The following CABIN1 variants were observed in gnomAD, a reference collection of about 807,000 sequenced individuals.
The protein encoded by CABIN1 is calcineurin-binding protein cabin-1.
Under a neutral mutation model 227.7 loss-of-function variants are expected in CABIN1, and 133 were observed. That is an observed-to-expected ratio of 0.58 (90% CI 0.51 to 0.67). CABIN1 has a LOEUF of 0.67. CABIN1 is among the 30% of genes least tolerant of loss of function. CABIN1 has a pLI of 0.00. For synonymous variants in CABIN1, 1,086 were observed against 1,155.1 expected, an observed-to-expected ratio of 0.94 and a Z score of 1.21; for missense variants, 2,408 against 2,852.5, an observed-to-expected ratio of 0.84 and a Z score of 3.55.
At chr22:24,078,755 A>G (rs5760201) in intron 19 of CABIN1, among the ~76,000 whole-genome samples, 12,113 of 152,142 alleles carry the variant, frequency 0.08, 536 homozygotes, top group South Asian at 0.11. Flanking sequence ...TGTGTTGACA[A>G]TCTGCTGTAT....
At position 24,134,370 on chromosome 22, in the gene CABIN1, G is replaced by C. The variant is rs758537082; in HGVS notation, c.4701G>C (p.Pro1567=). The C allele has an allele frequency of 1.1e-5, 17 of 1,614,012 alleles. No homozygotes were observed. The highest frequency in any genetic ancestry group is 1.4e-5 in the Non-Finnish European group (17 of 1,179,990). ...SIPWQQLQHM[P]AQGLFCERNK... ...CGTGGCAACAACTGCAGCACATGCC[G>C]GCACAGGGGCTCTTCTGCGAGAGGA... Residue 1567 remains proline, a synonymous_variant, in exon 29 of 37, where the codon CCG becomes CCC. Coordinates refer to ENST00000263119, the MANE Select transcript of CABIN1 (RefSeq NM_012295.4).
intron 9 of CABIN1, 118 bp downstream of exon 9, chr22:24,055,277 C>T (rs2038698469): frequency 8.2e-7 from 1 of 1,221,772 alleles, no homozygotes; most frequent in Non-Finnish European, 1.1e-6. Flanking sequence ...ATGCTCATGA[C>T]TCAAGTGGAA....
rs1384577517 is a variant in CABIN1, at chr22:24,067,011, G to A, written c.2062G>A (p.Glu688Lys). The A allele has an allele frequency of 1.2e-6, 2 of 1,614,112 alleles. No homozygotes were observed. Among genetic ancestry groups the A allele is most frequent in the African/African-American group, 2.7e-5 (2 of 74,934 alleles). ...GATTGATAAGAACCTGAAGTCGCTGGAGCGGTGCCAGTCCCTGGAGGAGAT... is the reference window on the plus strand; with the variant it reads ...GATTGATAAGAACCTGAAGTCGCTGAAGCGGTGCCAGTCCCTGGAGGAGAT... ...EEIDKNLKSL[E>K]RCQSLEEIQR... Residue 688 changes from glutamate to lysine, a missense_variant, in exon 16 of 37, where the codon GAG becomes AAG. Transcript: ENST00000263119.
intron 28 of CABIN1, among the ~76,000 whole-genome samples, chr22:24,128,420 A>G (rs987040749): frequency 1.3e-5 from 2 of 152,192 alleles, no homozygotes; most frequent in Non-Finnish European, 2.9e-5. Context: ...CTTTAAGTCT[A>G]CCAGGTCTAG....
chr22:24,038,507 T>C, intron 4 of CABIN1, 46 bp downstream of exon 4: 1 of 1,354,552 alleles, frequency 7.4e-7, no homozygotes, highest in Non-Finnish European at 1.1e-6. Context: ...GGTTAGTGCA[T>C]GGGCTGTGGG....
chr22:24,123,120 C>T (rs913803656), intron 28 of CABIN1, among the ~76,000 whole-genome samples: 1 of 152,148 alleles, frequency 6.6e-6, no homozygotes, highest in Non-Finnish European at 1.5e-5. Context: ...CCAGGGTAGG[C>T]GGGCCAGTTG....
chr22:24,052,271 C>T (rs1036586344), intron 8 of CABIN1, among the ~76,000 whole-genome samples: 3 of 152,044 alleles, frequency 2.0e-5, no homozygotes, highest in Non-Finnish European at 4.4e-5. Flanking sequence ...GAGTTAGGCT[C>T]AGTAGTTAAA....
chr22:24,079,331 T>G (rs2040655482), intron 19 of CABIN1, among the ~76,000 whole-genome samples: 2 of 152,236 alleles, frequency 1.3e-5, no homozygotes, highest in Non-Finnish European at 2.9e-5. Flanking sequence ...TTTATCCATT[T>G]TGGGAGTTAC....
intron 29 of CABIN1, among the ~76,000 whole-genome samples, chr22:24,158,699 C>A (rs1425085273): frequency 6.6e-6 from 1 of 152,026 alleles, no homozygotes; most frequent in Non-Finnish European, 1.5e-5. Context: ...TTCTGGCTTT[C>A]TTCAAAAACC....
At position 24,136,520 on chromosome 22, in the gene CABIN1, T is replaced by C. The variant is rs1278966947; in HGVS notation, c.4746+2105T>C. Among the ~76,000 whole-genome samples, 79 of 142,956 alleles carry C rather than the reference T, an allele frequency of 5.5e-4. 1 individual carries two copies. The highest frequency in any genetic ancestry group is 2.1e-3 in the African/African-American group (77 of 36,816). 93.8% of individuals were successfully genotyped at this position (142,956 alleles called of 152,430 possible). On this transcript the variant is annotated intron_variant, in intron 29 of 36. Coordinates refer to ENST00000263119, the MANE Select transcript of CABIN1 (RefSeq NM_012295.4). ...CCACACTGCCACGCCCAGCTAATTT[T>C]TGTATTTTTTTTTTTTTTTTTTTTT...
At chr22:24,157,850 C>CT in intron 29 of CABIN1, among the ~76,000 whole-genome samples, 1 of 152,254 alleles carries the variant, frequency 6.6e-6, no homozygotes, top group Non-Finnish European at 1.5e-5. Flanking sequence ...TTATGCTTTT[C>CT]TGGGGGGGCG....
intron 29 of CABIN1, among the ~76,000 whole-genome samples, chr22:24,156,829 GTTGT>G (rs964689253): frequency 1.3e-5 from 2 of 152,160 alleles, no homozygotes; most frequent in Admixed American, 6.5e-5. Flanking sequence ...CATGCACTTG[GTTGT>G]TTGTCGTTTC....
intron 22 of CABIN1, among the ~76,000 whole-genome samples, chr22:24,085,858 C>T (rs1047039954): frequency 6.6e-6 from 1 of 152,196 alleles, no homozygotes; most frequent in African/African-American, 2.4e-5. Context: ...TGTGGCAGAC[C>T]TGCATCTAAA....
intron 29 of CABIN1, among the ~76,000 whole-genome samples, chr22:24,157,399 G>A (rs2045897631): frequency 6.6e-6 from 1 of 152,154 alleles, no homozygotes; most frequent in African/African-American, 2.4e-5. Context: ...GGCTCGGAGG[G>A]GTGCTGCCCA....
chr22:24,140,146 G>A (rs2044666331), intron 29 of CABIN1, among the ~76,000 whole-genome samples: 1 of 152,184 alleles, frequency 6.6e-6, no homozygotes, highest in African/African-American at 2.4e-5. Flanking sequence ...GAACCTTCCT[G>A]GGGAGTTTAA....
intron 28 of CABIN1, among the ~76,000 whole-genome samples, 166 bp downstream of exon 28, chr22:24,119,864 A>G (rs1464481000): frequency 2.0e-5 from 3 of 152,238 alleles, no homozygotes; most frequent in Admixed American, 1.3e-4. Flanking sequence ...GGAGTGGGCC[A>G]GCTTGCCAGG....
At chr22:24,165,479 G>A (rs1206024395) in intron 30 of CABIN1, 51 bp from the exon 31 acceptor site, 1 of 1,480,594 alleles carries the variant, frequency 6.8e-7, no homozygotes, top group Non-Finnish European at 9.4e-7. Flanking sequence ...GCAGTGCCAT[G>A]TGGTGTCAGA....
intron 14 of CABIN1, among the ~76,000 whole-genome samples, chr22:24,063,599 G>A (rs1434741137): frequency 1.3e-5 from 2 of 152,182 alleles, no homozygotes; most frequent in African/African-American, 4.8e-5. Flanking sequence ...AGGATGGATT[G>A]GCTGTTACCT....
At chr22:24,128,572 C>G (rs1436701619) in intron 28 of CABIN1, among the ~76,000 whole-genome samples, 1 of 152,190 alleles carries the variant, frequency 6.6e-6, no homozygotes, top group South Asian at 2.1e-4. Flanking sequence ...CTATAGAACA[C>G]TACTCCAAGG....
Sources: gnomAD v4.1 joint callset for allele counts (sites outside exome capture counted in the v4.1 genomes callset) on GRCh38, gnomAD v4.1.1 for gene constraint, MANE v1.5 for transcripts, NCBI Gene and HGNC (gene_info 2026-07-23, HGNC 2026-07-21) for gene names.